The following DMD variants were observed in gnomAD, a reference collection of about 807,000 sequenced individuals.
The protein encoded by DMD is mutant dystrophin.
Under a neutral mutation model 330.1 loss-of-function variants are expected in DMD, and 63 were observed. The observed-to-expected ratio is 0.19, with a 90% CI of 0.16 to 0.24. The LOEUF is 0.24. Ranked by LOEUF, DMD falls within the 10% of genes least tolerant of loss-of-function variation. The pLI is 1.00. For synonymous variants in DMD, 1,223 were observed against 959.8 expected (o/e 1.27, Z -5.07); for missense variants, 3,344 against 2,684.1 (o/e 1.25, Z -5.43).
At chrX:32,983,528 TACACACACACACACACACAC>T (rs561986393) in intron 2 of DMD, among the ~76,000 whole-genome samples, 67 of 73,565 alleles carry the variant, frequency 9.1e-4, no homozygotes, top group African/African-American at 2.9e-3. Context: ...CAGAACTAAA[TACACACACACACACACACAC>T]ACACACACAC....
chrX:32,645,086 G>T lies in DMD; in HGVS notation c.1027C>A (p.Arg343Ser). 8.3e-7 allele frequency: 1 copy of T among 1,211,347 alleles called. No individual in the cohort carries two copies. The highest frequency in any genetic ancestry group is 1.1e-6 in the Non-Finnish European group (1 of 895,361). ...SLMESEVNLD[R>S]YQTALEEVLS... ...ACTTCTTCTAAAGCTGTTTGATAACGGTCCAGGTTTACTTCACTCTCCATC... is the reference window on the plus strand; with the variant it reads ...ACTTCTTCTAAAGCTGTTTGATAACTGTCCAGGTTTACTTCACTCTCCATC... The change falls in exon 10 of 79, where the codon CGT (arginine) becomes AGT (serine). Residue 343 changes from arginine to serine, a missense_variant. Coordinates refer to ENST00000357033, the MANE Select transcript of DMD (RefSeq NM_004006.3).
intron 37 of DMD, among the ~76,000 whole-genome samples, chrX:32,361,696 A>G (rs889243579): frequency 9.0e-6 from 1 of 111,715 alleles, no homozygotes; most frequent in Non-Finnish European, 1.9e-5. Context: ...AAAGTGCAGC[A>G]ATTGTGAAAC....
At chrX:31,257,269 A>G (rs189729505) in intron 63 of DMD, among the ~76,000 whole-genome samples, 40 of 107,311 alleles carry the variant, frequency 3.7e-4, no homozygotes, top group Non-Finnish European at 7.3e-4. Flanking sequence ...GTATGCCTGG[A>G]GTGGGGGTAC....
intron 1 of DMD, among the ~76,000 whole-genome samples, chrX:33,102,544 GTGTTACAT>G (rs2095249939): frequency 9.0e-6 from 1 of 111,143 alleles, no homozygotes; most frequent in African/African-American, 3.3e-5. Context: ...AAAAAAGACA[GTGTTACAT>G]TTAATGCTAG....
chrX:32,611,204 T>TAA lies in DMD; in HGVS notation c.1482+3097_1482+3098dup, dbSNP rs34495388. ...ATATGAATCTTTCCCTTAATTTTTA[T>TAA]AAAAAAAAAATCTGTCAAATATTTC... is the stretch of plus-strand genomic sequence containing the variant. On this transcript the variant is annotated intron_variant, in intron 12 of 78. Transcript: ENST00000357033. 1.9e-3 allele frequency among the ~76,000 whole-genome samples: 204 copies of TAA among 105,289 alleles called. 1 individual carries two copies. Among genetic ancestry groups the TAA allele is most frequent in the South Asian group, 7.8e-3 (19 of 2,430 alleles). 91.4% of individuals were successfully genotyped at this position (105,289 alleles called of 115,157 possible). A position where few individuals can be genotyped will look rare whatever the true frequency, so the allele number is the denominator to read the frequency against.
chrX:32,409,203 T>C (rs149025793), intron 30 of DMD, among the ~76,000 whole-genome samples: 1 of 111,624 alleles, frequency 9.0e-6, no homozygotes, highest in Non-Finnish European at 1.9e-5. Context: ...AGCTTTCAGA[T>C]GGCTTGTATT....
intron 48 of DMD, among the ~76,000 whole-genome samples, chrX:31,857,230 T>C (rs1003392213): frequency 3.1e-4 from 33 of 107,806 alleles, no homozygotes; most frequent in African/African-American, 1.0e-3. Flanking sequence ...AATACAAAAA[T>C]TAGCCGGGTG....
intron 44 of DMD, among the ~76,000 whole-genome samples, chrX:31,978,650 A>G (rs1247205897): frequency 9.0e-6 from 1 of 111,681 alleles, no homozygotes. Flanking sequence ...TGACTTTCCA[A>G]TTCTTCATCC....
intron 9 of DMD, among the ~76,000 whole-genome samples, chrX:32,682,433 A>C (rs923920551): frequency 9.0e-6 from 1 of 111,037 alleles, no homozygotes; most frequent in Non-Finnish European, 1.9e-5. Context: ...CTTAAACACT[A>C]CTCTGACAGA....
At chrX:31,380,058 C>T (rs776301115) in intron 60 of DMD, among the ~76,000 whole-genome samples, 26 of 110,779 alleles carry the variant, frequency 2.3e-4, no homozygotes, top group African/African-American at 4.6e-4. Context: ...AGGGTAAGTC[C>T]GTCCCCTTCT....
chrX:32,949,683 GA>G (rs1192490808), intron 2 of DMD, among the ~76,000 whole-genome samples: 4 of 111,030 alleles, frequency 3.6e-5, no homozygotes, highest in African/African-American at 9.8e-5. Context: ...CTTGGGATGG[GA>G]AACACAATGG....
At chrX:32,842,273 C>T (rs775479306) in intron 4 of DMD, among the ~76,000 whole-genome samples, 2 of 112,532 alleles carry the variant, frequency 1.8e-5, no homozygotes, top group African/African-American at 6.5e-5. Context: ...TTGGGCTCCT[C>T]TAGCCCCAAA....
intron 41 of DMD, among the ~76,000 whole-genome samples, chrX:32,336,115 A>G (rs761787614): frequency 1.3e-4 from 14 of 109,946 alleles, no homozygotes; most frequent in Non-Finnish European, 2.3e-4. Context: ...CATGTTATAT[A>G]TGTTATATGT....
At chrX:32,203,182 TA>T (rs1278040152) in intron 44 of DMD, among the ~76,000 whole-genome samples, 1 of 112,531 alleles carries the variant, frequency 8.9e-6, no homozygotes, top group Admixed American at 9.4e-5. Flanking sequence ...TCTGTTTCTA[TA>T]AAACTTTTAA....
At chrX:32,554,877 A>T (rs1248590800) in intron 16 of DMD, among the ~76,000 whole-genome samples, 1 of 50,360 alleles carries the variant, frequency 2.0e-5, no homozygotes, top group Admixed American at 2.4e-4. Flanking sequence ...AGAGAAGGAA[A>T]GAAGAAAGAA....
At chrX:32,180,451 C>T (rs1272841544) in intron 44 of DMD, among the ~76,000 whole-genome samples, 6 of 111,061 alleles carry the variant, frequency 5.4e-5, no homozygotes, top group African/African-American at 2.0e-4. Flanking sequence ...AGAATTCTGG[C>T]AGGTTTTAGT....
intron 43 of DMD, among the ~76,000 whole-genome samples, chrX:32,273,365 G>C (rs1191800644): frequency 9.0e-6 from 1 of 110,609 alleles, no homozygotes; most frequent in East Asian, 2.8e-4. Flanking sequence ...GCTGAGGTGG[G>C]AGGATTACTT....
chrX:32,920,014 C>CTT (rs2088236873), intron 2 of DMD, among the ~76,000 whole-genome samples: 1 of 111,347 alleles, frequency 9.0e-6, no homozygotes, highest in Non-Finnish European at 1.9e-5. Flanking sequence ...AAGATTGAAA[C>CTT]TTAACATTTT....
At chrX:32,874,701 T>A (rs1225921798) in intron 2 of DMD, among the ~76,000 whole-genome samples, 2 of 111,852 alleles carry the variant, frequency 1.8e-5, no homozygotes, top group African/African-American at 6.5e-5. Context: ...ACGAATATGA[T>A]GTTATAGGTC....
Sources: allele counts gnomAD v4.1 joint callset (sites outside exome capture counted in the v4.1 genomes callset), GRCh38; gene constraint gnomAD v4.1.1; transcripts MANE v1.5; gene names NCBI Gene and HGNC (gene_info 2026-07-23, HGNC 2026-07-21).